DTNBP1: variants seen among roughly 807,000 people sequenced by gnomAD.
DTNBP1 encodes dysbindin.
In DTNBP1, 35 loss-of-function variants were observed where a neutral mutation model predicts 42.8. The observed-to-expected ratio is 0.82, with a 90% confidence interval of 0.63 to 1.09. The LOEUF is 1.09. DTNBP1 is among the 50% of genes least tolerant of loss of function. The pLI is 0.00. For synonymous variants in DTNBP1, 171 were observed against 162.2 expected (o/e 1.05, Z -0.41); for missense variants, 457 against 424.2 (o/e 1.08, Z -0.68).
rs552669655 is a variant in DTNBP1 at position 15,585,306 on chromosome 6, T to C, written c.511+7753A>G. Among the ~76,000 whole-genome samples the C allele has an allele frequency of 9.7e-4, 148 of 151,844 alleles. 1 individual carries two copies. The Middle Eastern group carries it at 0.01, about 11-fold the overall frequency. The stretch of plus-strand genomic sequence containing the variant: ...AGCAAGGGATGCCGAATTAGTTTTA[T>C]GGAGCTGTACCAGCCTCATTATTCA... On this transcript the variant is annotated intron_variant, in intron 7 of 9. Transcript: ENST00000344537.
chr6:15,553,569 CA>C (rs1427749485), intron 7 of DTNBP1, among the ~76,000 whole-genome samples: 1 of 121,866 alleles, frequency 8.2e-6, no homozygotes, highest in Non-Finnish European at 1.6e-5. Context: ...ATGTGCAAAG[CA>C]GTTCAATGCT....
rs56870673 is a variant in DTNBP1, at chr6:15,553,283, G to A, written c.512-19888C>T. On this transcript the variant is annotated intron_variant, in intron 7 of 9. Coordinates refer to ENST00000344537, the MANE Select transcript of DTNBP1 (RefSeq NM_032122.5). ...AGCCAGACACAAACACTTTGAGGGA[G>A]GGGCAGAGGGAACAGAAATAGCATA... Among the ~76,000 whole-genome samples the A allele has an allele frequency of 8.6e-3, 1,315 of 152,064 alleles. 28 individuals are homozygous for A. The highest frequency in any genetic ancestry group is 0.03 in the African/African-American group (1,234 of 41,444).
intron 7 of DTNBP1, among the ~76,000 whole-genome samples, chr6:15,586,928 C>T (rs933542384): frequency 2.0e-5 from 3 of 152,208 alleles, no homozygotes; most frequent in Non-Finnish European, 2.9e-5. Flanking sequence ...GCTCTCTTCT[C>T]GTGCCTGTCT....
At chr6:15,571,975 G>C (rs1030766105) in intron 7 of DTNBP1, among the ~76,000 whole-genome samples, 33 of 152,128 alleles carry the variant, frequency 2.2e-4, no homozygotes, top group African/African-American at 8.0e-4. Context: ...ATTTCCATGT[G>C]AATAACTACC....
At chr6:15,532,847 G>A (rs529970071) in intron 8 of DTNBP1, among the ~76,000 whole-genome samples, 112 of 151,686 alleles carry the variant, frequency 7.4e-4, no homozygotes, top group African/African-American at 2.6e-3. Context: ...TTAGAGACAC[G>A]CGCCACCACG....
Position 15,627,400 on chromosome 6 carries a change from G to A in DTNBP1, c.298C>T (p.Gln100Ter). 6.2e-7 allele frequency: 1 copy of A among 1,613,826 alleles called. No individual in the cohort carries two copies. ...ATTAAAGCTGGGAGCTGCTGGAGCTGCTCTTGCAGCTCCACGAGGCTTGTC... is the reference window on the plus strand; with the variant it reads ...ATTAAAGCTGGGAGCTGCTGGAGCTACTCTTGCAGCTCCACGAGGCTTGTC... ...KKTSLVELQE[Q>*]LQQLPALIAD... is the part of the protein sequence containing the mutation. The change falls in exon 5 of 10, where the codon CAG (glutamine) becomes TAG (stop). Residue 100 changes from glutamine to a stop codon, truncating the protein, a stop_gained. Coordinates refer to ENST00000344537, the MANE Select transcript of DTNBP1 (RefSeq NM_032122.5). LOFTEE classifies it high-confidence loss of function.
chr6:15,586,672 T>C (rs1776093076), intron 7 of DTNBP1, among the ~76,000 whole-genome samples: 1 of 152,172 alleles, frequency 6.6e-6, no homozygotes, highest in South Asian at 2.1e-4. Flanking sequence ...GCCAAGCACC[T>C]GAGTCACAAT....
Position 15,663,003 on chromosome 6 carries a change from G to C in DTNBP1, c.-134C>G, listed in dbSNP as rs764210893. On this transcript the variant is annotated 5_prime_UTR_variant, in exon 1 of 10. Transcript: ENST00000344537. The stretch of plus-strand genomic sequence containing the variant: ...CCACTACCGGCCCCGCCCCCGGTCT[G>C]GTCCTCGCCGCCGCGCCGCAACCCC... 12 of 1,286,504 alleles carry C rather than the reference G, an allele frequency of 9.3e-6. No homozygotes were observed. In the South Asian group the frequency reaches 1.5e-4, roughly 16 times the overall value. 79.7% of individuals were successfully genotyped at this position (1,286,504 alleles called of 1,614,324 possible).
rs376357111 is a variant in DTNBP1 at position 15,662,804 on chromosome 6, G to A, written c.56+10C>T. ...CTCAGGTCCCTTTTCGTCGCCCACC[G>A]TATACCCACCCGGAGGTGAAATCCT... On this transcript the variant is annotated intron_variant, in intron 1 of 9. Coordinates refer to ENST00000344537, the MANE Select transcript of DTNBP1 (RefSeq NM_032122.5). The A allele has an allele frequency of 1.2e-6, 2 of 1,611,864 alleles. No homozygotes were observed. Among genetic ancestry groups the A allele is most frequent in the Non-Finnish European group, 8.5e-7 (1 of 1,179,438 alleles).
intron 7 of DTNBP1, among the ~76,000 whole-genome samples, chr6:15,571,318 G>C (rs897132218): frequency 6.6e-6 from 1 of 152,140 alleles, no homozygotes; most frequent in Admixed American, 6.5e-5. Flanking sequence ...AAAGATTTTG[G>C]CTGTCACAGT....
intron 7 of DTNBP1, among the ~76,000 whole-genome samples, chr6:15,576,797 A>G (rs1374414161): frequency 1.3e-5 from 2 of 150,480 alleles, no homozygotes; most frequent in African/African-American, 4.9e-5. Context: ...AAAAGTTGTG[A>G]AAGTGAGGCT....
intron 6 of DTNBP1, among the ~76,000 whole-genome samples, chr6:15,602,094 A>T (rs993877205): frequency 6.6e-6 from 1 of 152,110 alleles, no homozygotes; most frequent in Non-Finnish European, 1.5e-5. Context: ...ACAAAACAAA[A>T]CAAAACAAAA....
At chr6:15,630,692 C>T (rs934901210) in intron 4 of DTNBP1, among the ~76,000 whole-genome samples, 9 of 152,054 alleles carry the variant, frequency 5.9e-5, no homozygotes, top group African/African-American at 1.2e-4. Context: ...CTGAGGCTGG[C>T]GGATCATGAG....
intron 6 of DTNBP1, among the ~76,000 whole-genome samples, chr6:15,598,675 C>G (rs553084926): frequency 6.8e-6 from 1 of 147,698 alleles, no homozygotes; most frequent in Non-Finnish European, 1.5e-5. Flanking sequence ...TGTGGTGCCA[C>G]CCTACAGGCT....
At chr6:15,596,757 C>T (rs993984758) in intron 6 of DTNBP1, among the ~76,000 whole-genome samples, 2 of 152,330 alleles carry the variant, frequency 1.3e-5, no homozygotes, top group Non-Finnish European at 2.9e-5. Context: ...GAGCTCCAGA[C>T]TCATATGCAA....
At chr6:15,552,655 T>C (rs964761081) in intron 7 of DTNBP1, among the ~76,000 whole-genome samples, 7 of 152,208 alleles carry the variant, frequency 4.6e-5, no homozygotes, top group African/African-American at 1.7e-4. Flanking sequence ...GCAAGTCATA[T>C]ACAAGAAGCC....
chr6:15,603,454 G>A (rs952518029), intron 6 of DTNBP1, among the ~76,000 whole-genome samples: 2 of 152,112 alleles, frequency 1.3e-5, no homozygotes, highest in African/African-American at 4.8e-5. Context: ...ACAGAATACA[G>A]TTACAATAAC....
At chr6:15,549,046 A>C (rs906029121) in intron 7 of DTNBP1, among the ~76,000 whole-genome samples, 6 of 152,250 alleles carry the variant, frequency 3.9e-5, no homozygotes, top group African/African-American at 1.4e-4. Flanking sequence ...GAAATACACA[A>C]GCTTCAGTTG....
intron 3 of DTNBP1, among the ~76,000 whole-genome samples, chr6:15,650,878 T>C (rs1404896191): frequency 1.3e-5 from 2 of 152,202 alleles, no homozygotes. Context: ...ACCAAGTCCA[T>C]TGTGTCTAAT....
Sources: allele counts gnomAD v4.1 joint callset (sites outside exome capture counted in the v4.1 genomes callset), GRCh38; gene constraint gnomAD v4.1.1; transcripts MANE v1.5; gene names NCBI Gene and HGNC (gene_info 2026-07-23, HGNC 2026-07-21).